Variants in TOX observed in about 807,000 individuals in gnomAD.
TOX encodes thymocyte selection-associated high mobility group box protein TOX.
A neutral mutation model predicts 53.7 loss-of-function variants in TOX; 11 were observed. The ratio of observed to expected loss-of-function variants is 0.20; its 90% confidence interval spans 0.13 to 0.34. TOX has a LOEUF of 0.34. Ranked by LOEUF, TOX falls within the 10% of genes least tolerant of loss-of-function variation. The pLI, the probability that TOX is intolerant of heterozygous loss-of-function variation, is 1.00. For missense variants in TOX, 570 were observed against 664.6 expected, an observed-to-expected ratio of 0.86 and a Z score of 1.56; for synonymous variants, 225 against 245.3, an observed-to-expected ratio of 0.92 and a Z score of 0.77.
intron 3 of TOX, among the ~76,000 whole-genome samples, chr8:58,872,002 C>T (rs1178910264): frequency 1.3e-5 from 2 of 152,020 alleles, no homozygotes; most frequent in African/African-American, 4.8e-5. Flanking sequence ...AGAAATAAGG[C>T]TCCTTAGAAA....
intron 3 of TOX, among the ~76,000 whole-genome samples, chr8:58,869,917 G>T (rs1411044830): frequency 6.6e-6 from 1 of 151,362 alleles, no homozygotes; most frequent in East Asian, 1.9e-4. Context: ...GGGTGGAAAA[G>T]AACTTCCTCA....
chr8:58,925,992 T>C (rs1218112778), intron 3 of TOX, among the ~76,000 whole-genome samples: 2 of 152,196 alleles, frequency 1.3e-5, no homozygotes, highest in Non-Finnish European at 2.9e-5. Flanking sequence ...GCTACCCTGG[T>C]AAATCCATCC....
intron 1 of TOX, among the ~76,000 whole-genome samples, chr8:59,112,624 G>A (rs970566830): frequency 6.6e-6 from 1 of 152,084 alleles, no homozygotes; most frequent in Non-Finnish European, 1.5e-5. Flanking sequence ...GGAAGTAAAT[G>A]AAAAGGGAAA....
At chr8:58,956,652 A>C (rs1200679391) in intron 2 of TOX, among the ~76,000 whole-genome samples, 1 of 152,186 alleles carries the variant, frequency 6.6e-6, no homozygotes, top group African/African-American at 2.4e-5. Flanking sequence ...CCCAGGCTAA[A>C]GTACAGTGGT....
chr8:58,954,994 G>C (rs1026536617), intron 2 of TOX, among the ~76,000 whole-genome samples: 1 of 152,194 alleles, frequency 6.6e-6, no homozygotes, highest in South Asian at 2.1e-4. Flanking sequence ...CAGGGGCCCA[G>C]TGGAGGTAGA....
rs2129163216 is a variant in TOX at position 58,805,513 on chromosome 8, T to C, written c.*2234A>G. ...TGAATTTCAACACTCTCTACCCTGG[T>C]CGCACAGCTGCTCTAGAAAAGCTGT... On this transcript the variant is annotated 3_prime_UTR_variant, in exon 9 of 9. Coordinates refer to ENST00000361421, the MANE Select transcript of TOX (RefSeq NM_014729.3). 6.5e-6 allele frequency: 1 copy of C among 152,778 alleles called. No homozygotes were observed. Among genetic ancestry groups the C allele is most frequent in the African/African-American group, 2.4e-5 (1 of 41,592 alleles). 9.5% of individuals were successfully genotyped at this position (152,778 alleles called of 1,614,324 possible).
rs145808198 is a variant in TOX at position 58,844,990 on chromosome 8, A to G, written c.693+6534T>C. Among the ~76,000 whole-genome samples the G allele has an allele frequency of 2.3e-3, 344 of 152,212 alleles. 2 individuals are homozygous for G. Among genetic ancestry groups the G allele is most frequent in the African/African-American group, 7.9e-3 (328 of 41,548 alleles). On this transcript the variant is annotated intron_variant, in intron 4 of 8. Coordinates refer to ENST00000361421, the MANE Select transcript of TOX (RefSeq NM_014729.3). ...AGATGTATTTAACTTATTTATCACA[A>G]GAAAACAATAATCTTTCACTTTAAA...
At chr8:59,065,399 T>C (rs1804071842) in intron 1 of TOX, among the ~76,000 whole-genome samples, 1 of 152,188 alleles carries the variant, frequency 6.6e-6, no homozygotes, top group African/African-American at 2.4e-5. Context: ...TTATCCTCCT[T>C]TGCCATGTAA....
At position 59,119,017 on chromosome 8, in the gene TOX, T is replaced by C; in HGVS notation, c.-30A>G. On this transcript the variant is annotated 5_prime_UTR_variant, in exon 1 of 9. Coordinates refer to ENST00000361421, the MANE Select transcript of TOX (RefSeq NM_014729.3). ...CTCTCACATCAAGCAACTCCTTTTC[T>C]TTTTCCTTTTTTAAAAAAAAGTGTT... 6.7e-7 allele frequency: 1 copy of C among 1,494,432 alleles called. No homozygotes were observed. Among genetic ancestry groups the C allele is most frequent in the Non-Finnish European group, 9.3e-7 (1 of 1,080,176 alleles). The allele number at this position is 1,494,432 out of a possible 1,614,324, so 92.6% of individuals were successfully genotyped here.
At chr8:58,950,535 C>G (rs1461003934) in intron 2 of TOX, among the ~76,000 whole-genome samples, 2 of 152,186 alleles carry the variant, frequency 1.3e-5, no homozygotes, top group South Asian at 4.1e-4. Flanking sequence ...TGGAGGTCAT[C>G]TCACTTGCTA....
At chr8:58,927,489 C>A (rs1812183928) in intron 3 of TOX, among the ~76,000 whole-genome samples, 1 of 152,204 alleles carries the variant, frequency 6.6e-6, no homozygotes, top group African/African-American at 2.4e-5. Flanking sequence ...TGCTCTGCAT[C>A]TTTGTCCCAT....
intron 3 of TOX, among the ~76,000 whole-genome samples, chr8:58,857,264 A>C (rs573081000): frequency 3.0e-4 from 45 of 152,218 alleles, no homozygotes; most frequent in Middle Eastern, 3.4e-3. Flanking sequence ...GTAATTTCTC[A>C]TGTGTGTGTT....
chr8:59,053,802 C>G (rs184186691), intron 1 of TOX, among the ~76,000 whole-genome samples: 32 of 152,240 alleles, frequency 2.1e-4, no homozygotes, highest in Non-Finnish European at 2.2e-4. Flanking sequence ...GGAGAATTGT[C>G]TAATGTTTTA....
At chr8:58,943,697 A>G (rs1394643756) in intron 2 of TOX, among the ~76,000 whole-genome samples, 1 of 151,104 alleles carries the variant, frequency 6.6e-6, no homozygotes, top group African/African-American at 2.4e-5. Context: ...TCTGGGTTCC[A>G]GTCTAGAATG....
intron 3 of TOX, among the ~76,000 whole-genome samples, chr8:58,892,700 T>C (rs530241363): frequency 5.3e-5 from 8 of 152,278 alleles, no homozygotes; most frequent in Admixed American, 2.0e-4. Flanking sequence ...CTAGGTTAAA[T>C]GTATGGACTG....
At chr8:59,085,079 C>T (rs1283748196) in intron 1 of TOX, among the ~76,000 whole-genome samples, 1 of 152,134 alleles carries the variant, frequency 6.6e-6, no homozygotes, top group African/African-American at 2.4e-5. Flanking sequence ...TGCAGGTCTG[C>T]CTGAAAATTT....
chr8:58,865,993 C>T (rs913402333), intron 3 of TOX, among the ~76,000 whole-genome samples: 4 of 152,020 alleles, frequency 2.6e-5, no homozygotes, highest in Non-Finnish European at 5.9e-5. Flanking sequence ...TGACACCACA[C>T]TTGGCTAATT....
Position 59,119,020 on chromosome 8 carries a change from T to C in TOX, c.-33A>G, listed in dbSNP as rs768575643. Reference sequence around the variant, plus strand: ...TCACATCAAGCAACTCCTTTTCTTTTTCCTTTTTTAAAAAAAAGTGTTCAG... The same window carrying C: ...TCACATCAAGCAACTCCTTTTCTTTCTCCTTTTTTAAAAAAAAGTGTTCAG... On this transcript the variant is annotated 5_prime_UTR_variant, in exon 1 of 9. Coordinates refer to ENST00000361421, the MANE Select transcript of TOX (RefSeq NM_014729.3). 5 of 1,496,924 alleles carry C rather than the reference T, an allele frequency of 3.3e-6. No individual in the cohort carries two copies. Among genetic ancestry groups the C allele is most frequent in the Non-Finnish European group, 4.6e-6 (5 of 1,082,464 alleles). 92.7% of individuals were successfully genotyped at this position (1,496,924 alleles called of 1,614,324 possible).
At position 58,939,317 on chromosome 8, in the gene TOX, A is replaced by C. The variant is rs1279872280; in HGVS notation, c.396T>G (p.Ser132=). 1 of 1,614,132 alleles carries C rather than the reference A, an allele frequency of 6.2e-7. No homozygotes were observed. The highest frequency in any genetic ancestry group is 8.5e-7 in the Non-Finnish European group (1 of 1,179,998). Residue 132 remains serine, a synonymous_variant, in exon 3 of 9, where the codon TCT becomes TCG. Coordinates refer to ENST00000361421, the MANE Select transcript of TOX (RefSeq NM_014729.3). The stretch of plus-strand genomic sequence containing the variant: ...AGATTCTTACCACAGAAATGGAATT[A>C]GAAAGCAGTGTTCCATCCTGGCCCA... The part of the protein sequence containing the change: ...NMLGQDGTLL[S]NSISVMPDIR...
Sources: allele counts gnomAD v4.1 joint callset (sites outside exome capture counted in the v4.1 genomes callset), GRCh38; gene constraint gnomAD v4.1.1; transcripts MANE v1.5; gene names NCBI Gene and HGNC (gene_info 2026-07-23, HGNC 2026-07-21).